DMBT1: variants seen among roughly 807,000 people sequenced by gnomAD.
DMBT1 encodes the protein scavenger receptor cysteine-rich domain-containing protein DMBT1.
DMBT1 carries 198 observed loss-of-function variants against 252.9 expected under a neutral mutation model. The ratio of observed to expected loss-of-function variants is 0.78; its 90% CI spans 0.70 to 0.88. DMBT1 has a LOEUF of 0.88. Ranked by LOEUF, DMBT1 falls within the 40% of genes least tolerant of loss-of-function variation. DMBT1 has a pLI of 0.00. For missense variants in DMBT1, 2,432 were observed against 2,404.7 expected (o/e 1.01, Z -0.24); for synonymous variants, 990 against 942.7 (o/e 1.05, Z -0.92).
intron 2 of DMBT1, among the ~76,000 whole-genome samples, chr10:122,567,277 G>GCA (rs2097604252): frequency 2.0e-5 from 3 of 151,804 alleles, no homozygotes; most frequent in Admixed American, 2.0e-4. Flanking sequence ...GCATTGCCCT[G>GCA]CTGCACCTCT....
intron 45 of DMBT1, 134 bp downstream of exon 45, chr10:122,625,437 G>A (rs569746934): frequency 4.5e-6 from 4 of 890,640 alleles, no homozygotes; most frequent in African/African-American, 1.7e-5. Context: ...ATCTTTGTTA[G>A]GGTGACGAGC....
Position 122,591,494 on chromosome 10 carries a change from T to A in DMBT1, c.2153T>A (p.Ile718Asn), listed in dbSNP as rs902274660. 1 of 1,587,446 alleles carries A rather than the reference T, an allele frequency of 6.3e-7. No individual in the cohort carries two copies. The highest frequency in any genetic ancestry group is 8.6e-7 in the Non-Finnish European group (1 of 1,165,062). The part of the protein sequence containing the change: ...STPRPDTLST[I>N]TLPPSTVGSE... ...CAATTTACAGACACGTTGTCGACCA[T>A]CACGTTACCTCCATCGACAGTAGGT... is the stretch of plus-strand genomic sequence containing the variant. The change falls in exon 19 of 56, where the codon ATC (isoleucine) becomes AAC (asparagine). Residue 718 changes from isoleucine (I) to asparagine (N), a missense_variant. Physicochemically the swap from Ile to Asn is moderately radical, Grantham distance 149. Coordinates refer to ENST00000338354, the MANE Select transcript of DMBT1 (RefSeq NM_001377530.1).
chr10:122,577,718 C>G, intron 7 of DMBT1, 93 bp from the exon 8 acceptor site: 1 of 1,466,536 alleles, frequency 6.8e-7, no homozygotes, highest in South Asian at 1.2e-5. Context: ...TGGGCATCAG[C>G]TCAGGGTGTA....
At position 122,618,142 on chromosome 10, in the gene DMBT1, A is replaced by G; in HGVS notation, c.5017A>G (p.Asn1673Asp). 1.2e-6 allele frequency: 2 copies of G among 1,613,964 alleles called. No homozygotes were observed. The highest frequency in any genetic ancestry group is 1.7e-6 in the Non-Finnish European group (2 of 1,179,882). ...CDDYWDTNDANVVCRQLGCGW... is the reference protein window; with the variant it reads ...CDDYWDTNDADVVCRQLGCGW... ...TGACTACTGGGACACCAATGATGCC[A>G]ACGTGGTCTGCAGGCAGCTGGGCTG... The change falls in exon 41 of 56, where the codon AAC (asparagine) becomes GAC (aspartate). Residue 1673 changes from asparagine (N) to aspartate (D), a missense_variant. Asn to Asp is a conservative substitution (Grantham distance 23). Coordinates refer to ENST00000338354, the MANE Select transcript of DMBT1 (RefSeq NM_001377530.1).
chr10:122,600,452 T>A (rs2097938058), intron 27 of DMBT1, among the ~76,000 whole-genome samples: 1 of 152,216 alleles, frequency 6.6e-6, no homozygotes, highest in South Asian at 2.1e-4. Context: ...CTCTGACCTG[T>A]TCAAGGCATC....
chr10:122,585,850 A>T lies in DMBT1; in HGVS notation c.1460-210A>T, dbSNP rs1011304660. Among the ~76,000 whole-genome samples the T allele has an allele frequency of 2.0e-5, 3 of 148,786 alleles. 1 individual carries two copies. The highest frequency in any genetic ancestry group is 1.3e-4 in the Admixed American group (2 of 15,006). ...TTCCTGTTAACTCCAGTAGGGTCAC[A>T]GGTGCTTCCCCAAACTTGAGCCTTC... On this transcript the variant is annotated intron_variant, in intron 15 of 55. Coordinates refer to ENST00000338354, the MANE Select transcript of DMBT1 (RefSeq NM_001377530.1).
At chr10:122,617,709 C>T (rs1436774089) in intron 40 of DMBT1, among the ~76,000 whole-genome samples, 1 of 151,650 alleles carries the variant, frequency 6.6e-6, no homozygotes, top group Non-Finnish European at 1.5e-5. Context: ...CAGCATGGGC[C>T]TGCTCTCTGG....
At position 122,589,274 on chromosome 10, in the gene DMBT1, C is replaced by T. The variant is rs994460317; in HGVS notation, c.2107+7C>T. On this transcript the variant is annotated splice_region_variant and intron_variant, in intron 17 of 55. Transcript: ENST00000338354. ...GCTGGTGTCATCTGCTCAGGTGGGC[C>T]TCCAGCAATTTTGGTTTCCTCTCTT... 1 of 1,588,366 alleles carries T rather than the reference C, an allele frequency of 6.3e-7. No individual in the cohort carries two copies. Among genetic ancestry groups the T allele is most frequent in the Non-Finnish European group, 8.6e-7 (1 of 1,165,674 alleles).
intron 17 of DMBT1, 123 bp downstream of exon 17, chr10:122,589,390 T>G: frequency 1.4e-6 from 2 of 1,434,298 alleles, no homozygotes; most frequent in Non-Finnish European, 1.9e-6. Flanking sequence ...GATATCTCCT[T>G]AGCTCTCTTC....
At chr10:122,640,507 T>C in intron 55 of DMBT1, 58 bp downstream of exon 55, 1 of 1,530,806 alleles carries the variant, frequency 6.5e-7, no homozygotes. Flanking sequence ...CAAACATGAG[T>C]AGCCCCAAAG....
intron 53 of DMBT1, 57 bp from the exon 54 acceptor site, chr10:122,637,071 T>C (rs1193682076): frequency 2.1e-5 from 33 of 1,538,360 alleles, no homozygotes; most frequent in Non-Finnish European, 2.8e-5. Flanking sequence ...TCTGGCCCCG[T>C]AGGACTTGTG....
chr10:122,640,504 G>A, intron 55 of DMBT1, 55 bp downstream of exon 55: 2 of 1,535,714 alleles, frequency 1.3e-6, no homozygotes, highest in Non-Finnish European at 1.7e-6. Context: ...ACTCAAACAT[G>A]AGTAGCCCCA....
chr10:122,560,917 G>A, intron 1 of DMBT1, 86 bp downstream of exon 1: 1 of 1,083,096 alleles, frequency 9.2e-7, no homozygotes, highest in Non-Finnish European at 1.4e-6. Context: ...CCATTACAAG[G>A]GAAGTTTTAT....
intron 1 of DMBT1, among the ~76,000 whole-genome samples, chr10:122,563,642 T>C (rs1487627812): frequency 1.3e-5 from 2 of 152,068 alleles, no homozygotes; most frequent in Non-Finnish European, 2.9e-5. Flanking sequence ...CTTCAGGCAA[T>C]TTACCACCAT....
At position 122,560,804 on chromosome 10, in the gene DMBT1, CT is replaced by C; in HGVS notation, c.38del (p.Leu13TyrfsTer21). On this transcript the variant is annotated frameshift_variant, in exon 1 of 56. Coordinates refer to ENST00000338354, the MANE Select transcript of DMBT1 (RefSeq NM_001377530.1). LOFTEE classifies it high-confidence loss of function. The stretch of plus-strand genomic sequence containing the variant: ...CTCCACAGTCATCCTTGAAATGTGT[CT>C]TTTATGGGGACAAGTTCTATCTACA... ...GISTVILEMC[L>X]LWGQVLSTGG... 2 of 1,573,908 alleles carry C rather than the reference CT, an allele frequency of 1.3e-6. No homozygotes were observed. The highest frequency in any genetic ancestry group is 8.6e-7 in the Non-Finnish European group (1 of 1,157,722).
rs1205565352 is a variant in DMBT1 at position 122,570,953 on chromosome 10, G to A, written c.187+16G>A. ...GTAGCAGAAGGTAACGTCTACTATG[G>A]GGGATCCCTGTGGGCTCATTACCCC... is the stretch of plus-strand genomic sequence containing the variant. On this transcript the variant is annotated intron_variant, in intron 4 of 55. Coordinates refer to ENST00000338354, the MANE Select transcript of DMBT1 (RefSeq NM_001377530.1). The A allele has an allele frequency of 5.0e-6, 8 of 1,612,004 alleles. No individual in the cohort carries two copies. The highest frequency in any genetic ancestry group is 5.9e-6 in the Non-Finnish European group (7 of 1,178,240).
At position 122,643,256 on chromosome 10, in the gene DMBT1, C is replaced by T. The variant is rs376479942; in HGVS notation, c.7487C>T (p.Ala2496Val). The T allele has an allele frequency of 2.6e-5, 42 of 1,613,830 alleles. No individual in the cohort carries two copies. Among genetic ancestry groups the T allele is most frequent in the Non-Finnish European group, 3.5e-5 (41 of 1,179,886 alleles). Residue 2496 changes from alanine to valine, a missense_variant, in exon 56 of 56, where the codon GCG becomes GTG. Physicochemically the swap from Ala to Val is moderately conservative, Grantham distance 64 (BLOSUM62 0). Around this residue, in one of 3 missense-constraint regions of DMBT1, gnomAD observed 1,162 missense variants for 1,169.0 expected, o/e 0.99. Coordinates refer to ENST00000338354, the MANE Select transcript of DMBT1 (RefSeq NM_001377530.1). ...CGTTGTAAAATGGTGGTGTGCAGAG[C>T]GTATGACCCCTCTTCCCGCTGCTAC... The part of the protein sequence containing the change: ...YLRCKMVVCR[A>V]YDPSSRCYRG...
chr10:122,592,383 A>C lies in DMBT1; in HGVS notation c.2288A>C (p.Asp763Ala). The C allele has an allele frequency of 6.3e-7, 1 of 1,588,592 alleles. No homozygotes were observed. The highest frequency in any genetic ancestry group is 8.6e-7 in the Non-Finnish European group (1 of 1,165,846). The change falls in exon 20 of 56, where the codon GAT becomes GCT. Residue 763 changes from aspartate (D) to alanine (A), a missense_variant. Around this residue, in one of 3 missense-constraint regions of DMBT1, gnomAD observed 1,264 missense variants for 1,082.2 expected, o/e 1.17. Coordinates refer to ENST00000338354, the MANE Select transcript of DMBT1 (RefSeq NM_001377530.1). ...SWGTVCDDSW[D>A]TNDANVVCRQ... is the part of the protein sequence containing the mutation. ...GGCACCGTGTGTGATGACAGCTGGGATACCAATGATGCCAATGTGGTCTGC... is the reference window on the plus strand; with the variant it reads ...GGCACCGTGTGTGATGACAGCTGGGCTACCAATGATGCCAATGTGGTCTGC...
intron 5 of DMBT1, among the ~76,000 whole-genome samples, 196 bp downstream of exon 5, chr10:122,572,557 CGT>C (rs1266558540): frequency 6.6e-6 from 1 of 152,178 alleles, no homozygotes; most frequent in Non-Finnish European, 1.5e-5. Context: ...CGTTTGTACA[CGT>C]GTGTGTGCTC....
Sources: gnomAD v4.1 joint callset for allele counts (sites outside exome capture counted in the v4.1 genomes callset) on GRCh38, gnomAD v4.1.1 for gene constraint, gnomAD v4.1.1 regional missense constraint, MANE v1.5 for transcripts, NCBI Gene and HGNC (gene_info 2026-07-23, HGNC 2026-07-21) for gene names.